Variants in KIAA1586 observed in about 807,000 individuals in gnomAD.
KIAA1586 encodes the protein KIAA1586, also known as E3 SUMO-protein ligase KIAA1586.
A neutral mutation model predicts 6.1 loss-of-function variants in KIAA1586; 5 were observed. The observed-to-expected ratio is 0.82, with a 90% CI of 0.43 to 1.73. The LOEUF is 1.73. KIAA1586 is among the 40% of genes most tolerant of loss of function. The pLI is 0.02. For missense variants in KIAA1586, 899 were observed against 878.2 expected, an observed-to-expected ratio of 1.02 and a Z score of -0.30; for synonymous variants, 280 against 301.7, an observed-to-expected ratio of 0.93 and a Z score of 0.75.
At chr6:57,052,107 T>C (rs1289131712) in intron 3 of KIAA1586, among the ~76,000 whole-genome samples, 1 of 152,234 alleles carries the variant, frequency 6.6e-6, no homozygotes, top group Non-Finnish European at 1.5e-5. Context: ...GAAAATATTA[T>C]CCACCCTTCA....
intron 2 of KIAA1586, among the ~76,000 whole-genome samples, chr6:57,050,076 T>G (rs1411359345): frequency 2.0e-5 from 3 of 152,020 alleles, no homozygotes; most frequent in Non-Finnish European, 2.9e-5. Context: ...ATTCCTGGGC[T>G]CAAGTGATCC....
chr6:57,066,514 T>C, the KIAA1586 span, among the ~76,000 whole-genome samples: 1 of 152,130 alleles, frequency 6.6e-6, no homozygotes, highest in Non-Finnish European at 1.5e-5. Context: ...TACTGAGTCT[T>C]ATGGTTTATG....
Position 57,053,941 on chromosome 6 carries a change from G to C in KIAA1586, c.1442G>C (p.Gly481Ala). 1.3e-6 allele frequency: 2 copies of C among 1,585,880 alleles called. No homozygotes were observed. Among genetic ancestry groups the C allele is most frequent in the South Asian group, 1.2e-5 (1 of 84,626 alleles). The change falls in exon 4 of 4, where the codon GGA becomes GCA. Residue 481 changes from glycine to alanine, a missense_variant. By Grantham distance (60) the Gly-to-Ala change is moderately conservative. Transcript: ENST00000370733. ...ATTATTAAAATTGGTCGAGTAATGG[G>C]ACCAAGATGGGCGGCATGTAGTTTA... ...TEIIKIGRVM[G>A]PRWAACSLQA... is the part of the protein sequence containing the mutation.
chr6:57,048,687 CTG>C (rs2127906015), intron 2 of KIAA1586, among the ~76,000 whole-genome samples: 1 of 152,234 alleles, frequency 6.6e-6, no homozygotes, highest in East Asian at 1.9e-4. Context: ...TTCCTCTTAA[CTG>C]GTATAAAAAC....
At chr6:57,058,485 A>G (rs1828527297), downstream of KIAA1586, among the ~76,000 whole-genome samples, 1 of 152,204 alleles carries the variant, frequency 6.6e-6, no homozygotes, top group Non-Finnish European at 1.5e-5. Context: ...AACTTACTGT[A>G]CTGTTAACTC....
chr6:57,049,444 A>G (rs1430428209), intron 2 of KIAA1586, among the ~76,000 whole-genome samples: 1 of 152,186 alleles, frequency 6.6e-6, no homozygotes, highest in Non-Finnish European at 1.5e-5. Context: ...TAGTCTTTTC[A>G]TATAAATGTT....
In KIAA1586 at chr6:57,053,483, C is replaced by T. The variant is rs1264255438; in HGVS notation, c.984C>T (p.Thr328=). ...AGGCATCTACAGTTTCAAAGAAAAC[C>T]ACCCTAGTGATTTATCTCCAGTGCA... ...IDEASTVSKK[T]TLVIYLQCTI... Residue 328 remains threonine, a synonymous_variant, in exon 4 of 4, where the codon ACC becomes ACT. Transcript: ENST00000370733. 6.2e-7 allele frequency: 1 copy of T among 1,613,334 alleles called. No homozygotes were observed. The highest frequency in any genetic ancestry group is 1.1e-5 in the South Asian group (1 of 91,030).
chr6:57,054,102 G>GC lies in KIAA1586; in HGVS notation c.1603_1604insC (p.Glu535AlafsTer15), dbSNP rs1186643159. The GC allele has an allele frequency of 6.2e-7, 1 of 1,608,260 alleles. No homozygotes were observed. Among genetic ancestry groups the GC allele is most frequent in the Non-Finnish European group, 8.5e-7 (1 of 1,177,918 alleles). The stretch of plus-strand genomic sequence containing the variant: ...TGCTTTAATGATTGACATTCTTGAA[G>GC]AATTTTCAGTACTTTCAACTGCATT... On this transcript the variant is annotated frameshift_variant, in exon 4 of 4. Transcript: ENST00000370733. LOFTEE classifies it low-confidence loss of function (END_TRUNC).
At chr6:57,065,057 A>G in the KIAA1586 span, among the ~76,000 whole-genome samples, 2 of 152,026 alleles carry the variant, frequency 1.3e-5, no homozygotes, top group Admixed American at 6.6e-5. Flanking sequence ...AAGATTTTGC[A>G]TTTCCTGGTG....
downstream of KIAA1586, among the ~76,000 whole-genome samples, chr6:57,059,731 CT>C (rs1288847362): frequency 6.6e-6 from 1 of 152,138 alleles, no homozygotes; most frequent in Non-Finnish European, 1.5e-5. Context: ...AGTCAACTGT[CT>C]TTTTCATCAG....
At chr6:57,052,341 A>T (rs1828349872) in intron 3 of KIAA1586, among the ~76,000 whole-genome samples, 1 of 152,194 alleles carries the variant, frequency 6.6e-6, no homozygotes, top group Non-Finnish European at 1.5e-5. Flanking sequence ...GTTGAGTGCA[A>T]ATACTTCATT....
At chr6:57,065,961 C>T in the KIAA1586 span, among the ~76,000 whole-genome samples, 1 of 152,158 alleles carries the variant, frequency 6.6e-6, no homozygotes, top group Non-Finnish European at 1.5e-5. Context: ...TGTATAACTT[C>T]CAGCCTTTTA....
chr6:57,047,818 A>AAT (rs1483618746), intron 2 of KIAA1586, among the ~76,000 whole-genome samples: 1 of 90,876 alleles, frequency 1.1e-5, no homozygotes, highest in Non-Finnish European at 2.2e-5. Context: ...AAATAGCTTG[A>AAT]AGATTTCTCT....
chr6:57,049,138 T>A (rs1184345954), intron 2 of KIAA1586, among the ~76,000 whole-genome samples: 1 of 152,210 alleles, frequency 6.6e-6, no homozygotes, highest in Non-Finnish European at 1.5e-5. Flanking sequence ...TTACATGCTG[T>A]CAGTGTAATT....
At position 57,053,201 on chromosome 6, in the gene KIAA1586, A is replaced by C. The variant is rs778649734; in HGVS notation, c.702A>C (p.Leu234Phe). The C allele has an allele frequency of 1.2e-6, 2 of 1,603,196 alleles. No homozygotes were observed. Among genetic ancestry groups the C allele is most frequent in the Non-Finnish European group, 1.7e-6 (2 of 1,175,828 alleles). The change falls in exon 4 of 4, where the codon TTA (leucine) becomes TTC (phenylalanine). Residue 234 changes from leucine to phenylalanine, a missense_variant. Transcript: ENST00000370733. ...CAACTAATGATTCAATTTGTAATTTAGTGCATAAACAAAATAATAAAAATA... is the reference window on the plus strand; with the variant it reads ...CAACTAATGATTCAATTTGTAATTTCGTGCATAAACAAAATAATAAAAATA... ...KESTNDSICN[L>F]VHKQNNKNID...
At chr6:57,060,831 T>G in the KIAA1586 span, among the ~76,000 whole-genome samples, 2 of 152,164 alleles carry the variant, frequency 1.3e-5, no homozygotes, top group Non-Finnish European at 2.9e-5. Flanking sequence ...TTATTTTTAT[T>G]ATAGAAACTG....
the KIAA1586 span, among the ~76,000 whole-genome samples, chr6:57,065,494 T>G: frequency 7.2e-6 from 1 of 139,070 alleles, no homozygotes; most frequent in African/African-American, 3.2e-5. Flanking sequence ...CCTTTTTTGT[T>G]TTTTTTTTTT....
At chr6:57,049,452 G>C (rs1471187777) in intron 2 of KIAA1586, among the ~76,000 whole-genome samples, 1 of 152,074 alleles carries the variant, frequency 6.6e-6, no homozygotes, top group Admixed American at 6.6e-5. Flanking sequence ...TCATATAAAT[G>C]TTGATTATCT....
Position 57,052,716 on chromosome 6 carries a change from G to A in KIAA1586, c.217G>A (p.Gly73Ser), listed in dbSNP as rs759849940. 3 of 1,570,654 alleles carry A rather than the reference G, an allele frequency of 1.9e-6. No individual in the cohort carries two copies. In the African/African-American group the frequency reaches 4.1e-5, roughly 22 times the overall value. ...ILFPKMPKRQ[G>S]DFLHFLNVKK... The stretch of plus-strand genomic sequence containing the variant: ...GTTTCCTAAAATGCCAAAACGACAG[G>A]GTGATTTTTTGCATTTTTTAAATGT... Residue 73 changes from glycine (G) to serine (S), a missense_variant, in exon 4 of 4, where the codon GGT becomes AGT. Physicochemically the swap from Gly to Ser is moderately conservative, Grantham distance 56. Transcript: ENST00000370733.
Sources: gnomAD v4.1 joint callset for allele counts (sites outside exome capture counted in the v4.1 genomes callset) on GRCh38, gnomAD v4.1.1 for gene constraint, MANE v1.5 for transcripts, NCBI Gene and HGNC (gene_info 2026-07-23, HGNC 2026-07-21) for gene names.